METTL15: variants seen among roughly 807,000 people sequenced by gnomAD.
METTL15 encodes methyltransferase 15, mitochondrial 12S rRNA N4-cytidine.
In METTL15, 34 loss-of-function variants were observed where a neutral mutation model predicts 38.3. That is an observed-to-expected ratio of 0.89 (90% confidence interval 0.68 to 1.18). The LOEUF is 1.18. Ranked by LOEUF, METTL15 falls within the 50% of genes most tolerant of loss-of-function variation. The probability of loss-of-function intolerance (pLI) is 0.00; values close to 1 mark genes in which losing one functional copy is unlikely to be tolerated. For missense variants in METTL15, 438 were observed against 498.4 expected (o/e 0.88, Z 1.15); for synonymous variants, 162 against 170.9 (o/e 0.95, Z 0.41).
intron 3 of METTL15, among the ~76,000 whole-genome samples, chr11:28,340,163 TAAATCATTTTA>T (rs1007350869): frequency 6.6e-6 from 1 of 152,146 alleles, no homozygotes; most frequent in African/African-American, 2.4e-5. Context: ...GAATCATTTT[TAAATCATTTTA>T]AAAATGATTC....
At chr11:28,137,228 G>A (rs889968322) in intron 3 of METTL15, among the ~76,000 whole-genome samples, 1 of 152,142 alleles carries the variant, frequency 6.6e-6, no homozygotes, top group Non-Finnish European at 1.5e-5. Flanking sequence ...TAATCAATAT[G>A]TTCTCATATA....
intron 4 of METTL15, among the ~76,000 whole-genome samples, chr11:28,279,849 A>G (rs1855984755): frequency 2.0e-5 from 3 of 151,706 alleles, no homozygotes; most frequent in South Asian, 2.1e-4. Context: ...CAGTGAGCTG[A>G]CATCACGCCA....
chr11:28,409,007 A>C (rs572216272), intron 5 of METTL15, among the ~76,000 whole-genome samples: 35 of 152,318 alleles, frequency 2.3e-4, no homozygotes, highest in African/African-American at 7.9e-4. Flanking sequence ...CAGCAGCAGA[A>C]TATACGTTCT....
chr11:28,357,540 C>T (rs1459380740), intron 4 of METTL15, among the ~76,000 whole-genome samples: 1 of 152,160 alleles, frequency 6.6e-6, no homozygotes, highest in African/African-American at 2.4e-5. Context: ...CATTTAAACT[C>T]TTTGTACCTT....
intron 2 of METTL15, among the ~76,000 whole-genome samples, chr11:28,112,388 C>T (rs1158612339): frequency 1.3e-5 from 2 of 152,090 alleles, no homozygotes; most frequent in Admixed American, 6.6e-5. Context: ...AACTAATAAC[C>T]TGTAAGGAAA....
intron 6 of METTL15, among the ~76,000 whole-genome samples, chr11:28,313,251 G>C (rs981643824): frequency 3.3e-5 from 5 of 151,776 alleles, no homozygotes; most frequent in African/African-American, 1.2e-4. Context: ...TGCTAGTTCT[G>C]GGCACATGAT....
chr11:28,255,340 G>A (rs971592088), intron 4 of METTL15, among the ~76,000 whole-genome samples: 3 of 152,112 alleles, frequency 2.0e-5, no homozygotes, highest in Non-Finnish European at 4.4e-5. Flanking sequence ...AGTACTAATA[G>A]TTTTGTTGGG....
intron 6 of METTL15, among the ~76,000 whole-genome samples, chr11:28,526,111 G>A (rs10835355): frequency 0.45 from 68,888 of 152,014 alleles, 16,153 homozygotes; most frequent in Admixed American, 0.54. Context: ...CCCATCTGGA[G>A]CTCCAGCTGG....
intron 3 of METTL15, among the ~76,000 whole-genome samples, chr11:28,168,385 A>G (rs1211568705): frequency 6.6e-6 from 1 of 151,972 alleles, no homozygotes; most frequent in Non-Finnish European, 1.5e-5. Flanking sequence ...TAAATAGATC[A>G]TATTGAGTAG....
chr11:28,377,598 G>A (rs1282743452), intron 5 of METTL15, among the ~76,000 whole-genome samples: 5 of 151,564 alleles, frequency 3.3e-5, no homozygotes, highest in African/African-American at 9.7e-5. Context: ...TTTGCCTTTG[G>A]TTTGAATGTC....
intron 6 of METTL15, among the ~76,000 whole-genome samples, chr11:28,448,515 C>T (rs79661829): frequency 6.6e-6 from 1 of 152,142 alleles, no homozygotes. Context: ...GACCATCATG[C>T]CCCATCAGAC....
intron 6 of METTL15, among the ~76,000 whole-genome samples, chr11:28,321,749 G>C (rs898358295): frequency 1.1e-3 from 165 of 152,120 alleles, no homozygotes; most frequent in African/African-American, 3.9e-3. Context: ...TTGTGGGCTG[G>C]TGGAGGAGAA....
chr11:28,310,256 G>A (rs966929001), intron 6 of METTL15, among the ~76,000 whole-genome samples: 2 of 152,078 alleles, frequency 1.3e-5, no homozygotes, highest in Non-Finnish European at 2.9e-5. Flanking sequence ...CAAGGGGAAA[G>A]TCAGAGTTAG....
intron 6 of METTL15, among the ~76,000 whole-genome samples, chr11:28,444,912 C>A (rs776943116): frequency 6.6e-6 from 1 of 152,130 alleles, no homozygotes; most frequent in East Asian, 1.9e-4. Context: ...GTAAGATAGA[C>A]AGTGTCATTT....
chr11:28,202,995 G>T (rs1852172126), intron 3 of METTL15, among the ~76,000 whole-genome samples: 1 of 151,900 alleles, frequency 6.6e-6, no homozygotes, highest in Non-Finnish European at 1.5e-5. Flanking sequence ...AAATTATCTA[G>T]TCTCTGCAAG....
At chr11:28,408,269 A>C (rs1207439703) in intron 5 of METTL15, among the ~76,000 whole-genome samples, 1 of 152,180 alleles carries the variant, frequency 6.6e-6, no homozygotes, top group African/African-American at 2.4e-5. Context: ...ACGTTTACCT[A>C]AGTAACAAAC....
At chr11:28,484,362 A>C (rs1466608714) in intron 6 of METTL15, among the ~76,000 whole-genome samples, 2 of 152,150 alleles carry the variant, frequency 1.3e-5, no homozygotes, top group African/African-American at 4.8e-5. Flanking sequence ...TCTCCTAACC[A>C]CTGGGCGACA....
chr11:28,264,572 T>C (rs1270337348), intron 4 of METTL15, among the ~76,000 whole-genome samples: 3 of 152,128 alleles, frequency 2.0e-5, no homozygotes, highest in Non-Finnish European at 4.4e-5. Flanking sequence ...ACAGGAATCC[T>C]GTGATGCAGA....
At chr11:28,220,930 A>T (rs997217268) in intron 4 of METTL15, among the ~76,000 whole-genome samples, 1 of 152,130 alleles carries the variant, frequency 6.6e-6, no homozygotes, top group Non-Finnish European at 1.5e-5. Context: ...GGAGAGATCA[A>T]CTGTTAGTCT....
Sources: gnomAD v4.1 joint callset for allele counts (sites outside exome capture counted in the v4.1 genomes callset) on GRCh38, gnomAD v4.1.1 for gene constraint, MANE v1.5 for transcripts, NCBI Gene and HGNC (gene_info 2026-07-23, HGNC 2026-07-21) for gene names.